PDCD6IP: variants seen among roughly 807,000 people sequenced by gnomAD.
PDCD6IP encodes the protein programmed cell death 6-interacting protein.
PDCD6IP carries 43 observed loss-of-function variants against 103.7 expected under a neutral mutation model. That is an observed-to-expected ratio of 0.41 (90% CI 0.32 to 0.53). The LOEUF is 0.53. PDCD6IP is among the 20% of genes least tolerant of loss of function. The pLI is 0.16. For synonymous variants in PDCD6IP, 354 were observed against 378.7 expected, an observed-to-expected ratio of 0.93 and a Z score of 0.76; for missense variants, 871 against 1,036.7, an observed-to-expected ratio of 0.84 and a Z score of 2.20.
chr3:33,862,531 G>A (rs1402565788), intron 15 of PDCD6IP, among the ~76,000 whole-genome samples: 1 of 152,070 alleles, frequency 6.6e-6, no homozygotes, highest in Non-Finnish European at 1.5e-5. Flanking sequence ...TGTTAGAGGA[G>A]ACAGAATTTT....
chr3:33,854,359 T>G (rs1388455446), intron 14 of PDCD6IP, among the ~76,000 whole-genome samples: 3 of 152,112 alleles, frequency 2.0e-5, no homozygotes, highest in African/African-American at 7.2e-5. Context: ...AAAGCTGATT[T>G]GTGATGGAAA....
rs1697573785 is a variant in PDCD6IP, at chr3:33,845,533, A to G, written c.1586A>G (p.Glu529Gly). Reference sequence around the variant, plus strand: ...GTGCTTTTGTGTAAGCCAGAGCCTGAGCTGAATGCTGCCATCCCTTCTGCT... The same window carrying G: ...GTGCTTTTGTGTAAGCCAGAGCCTGGGCTGAATGCTGCCATCCCTTCTGCT... ...TIVLLCKPEP[E>G]LNAAIPSANP... Residue 529 changes from glutamate (E) to glycine (G), a missense_variant, in exon 12 of 18, where the codon GAG (glutamate) becomes GGG (glycine). Glu to Gly is a moderately conservative substitution (Grantham distance 98). Coordinates refer to ENST00000307296, the MANE Select transcript of PDCD6IP (RefSeq NM_013374.6). 6.2e-7 allele frequency: 1 copy of G among 1,613,430 alleles called. No individual in the cohort carries two copies. The highest frequency in any genetic ancestry group is 8.5e-7 in the Non-Finnish European group (1 of 1,179,572).
rs367901054 is a variant in PDCD6IP, at chr3:33,864,097, A to G, written c.2212A>G (p.Thr738Ala). The G allele has an allele frequency of 1.3e-5, 21 of 1,610,360 alleles. No homozygotes were observed. Among genetic ancestry groups the G allele is most frequent in the African/African-American group, 4.0e-5 (3 of 74,790 alleles). Residue 738 changes from threonine (T) to alanine (A), a missense_variant, in exon 16 of 18, where the codon ACT becomes GCT. Physicochemically the swap from Thr to Ala is moderately conservative, Grantham distance 58. Around this residue, in one of 5 missense-constraint regions of PDCD6IP, gnomAD observed 202 missense variants for 205.2 expected, o/e 0.98. Transcript: ENST00000307296. ...CTCACCAGCAGGAGGACATGCACCA[A>G]CTCCTCCAACTCCAGCGCCAAGAAC... ...QSSPAGGHAP[T>A]PPTPAPRTMP...
chr3:33,804,618 G>C (rs1696550681), intron 1 of PDCD6IP, among the ~76,000 whole-genome samples: 1 of 152,160 alleles, frequency 6.6e-6, no homozygotes. Flanking sequence ...GACTTTTCTG[G>C]TGTTTAGTAA....
chr3:33,818,097 G>GTTTTTTTTTTTTTTTTTTT (rs756780125), intron 3 of PDCD6IP, among the ~76,000 whole-genome samples: 2 of 68,086 alleles, frequency 2.9e-5, no homozygotes, highest in East Asian at 5.2e-4. Flanking sequence ...TTTCATTCTT[G>GTTTTTTTTTTTTTTTTTTT]TTTTTTTTTT....
At chr3:33,811,817 A>AGATG (rs1442310005) in intron 1 of PDCD6IP, among the ~76,000 whole-genome samples, 2 of 152,238 alleles carry the variant, frequency 1.3e-5, no homozygotes, top group African/African-American at 4.8e-5. Context: ...TTTTCAGAGC[A>AGATG]GATGTTAGTT....
chr3:33,811,779 G>A (rs538830218), intron 1 of PDCD6IP, among the ~76,000 whole-genome samples: 1 of 152,304 alleles, frequency 6.6e-6, no homozygotes, highest in East Asian at 1.9e-4. Context: ...ATTTTAGTAA[G>A]AAATAGTATT....
At chr3:33,814,235 A>C (rs1479645155) in intron 3 of PDCD6IP, among the ~76,000 whole-genome samples, 1 of 148,216 alleles carries the variant, frequency 6.7e-6, no homozygotes, top group East Asian at 2.0e-4. Context: ...ACCTCTGCCT[A>C]CTGGGTTCAA....
At chr3:33,840,777 G>A (rs933922054) in intron 9 of PDCD6IP, among the ~76,000 whole-genome samples, 14 of 152,090 alleles carry the variant, frequency 9.2e-5, no homozygotes, top group Non-Finnish European at 1.9e-4. Flanking sequence ...ATTTTCTGTT[G>A]ACATTTTGCC....
rs959340910 is a variant in PDCD6IP at position 33,868,092 on chromosome 3, A to G, written c.*1567A>G. 4.6e-5 allele frequency: 7 copies of G among 152,212 alleles called. No homozygotes were observed. The highest frequency in any genetic ancestry group is 1.4e-4 in the African/African-American group (6 of 41,454). 9.4% of individuals were successfully genotyped at this position (152,212 alleles called of 1,614,324 possible). A position where few individuals can be genotyped will look rare whatever the true frequency, so the allele number is the denominator to read the frequency against. ...AAGTTGGTTTAAAGTCCAATAGTTAAACCTTAGCAAAAATAGCTTTTTACT... is the reference window on the plus strand; with the variant it reads ...AAGTTGGTTTAAAGTCCAATAGTTAGACCTTAGCAAAAATAGCTTTTTACT... On this transcript the variant is annotated 3_prime_UTR_variant, in exon 18 of 18. Coordinates refer to ENST00000307296, the MANE Select transcript of PDCD6IP (RefSeq NM_013374.6).
rs1390224236 is a variant in PDCD6IP, at chr3:33,869,692, G to A, written c.*3167G>A. The stretch of plus-strand genomic sequence containing the variant: ...TGAATGTATGCTAGAAATAAAAGTT[G>A]AAAGATTCTTACTTCTTTGGAGTAT... On this transcript the variant is annotated 3_prime_UTR_variant, in exon 18 of 18. Coordinates refer to ENST00000307296, the MANE Select transcript of PDCD6IP (RefSeq NM_013374.6). 1 of 152,124 alleles carries A rather than the reference G, an allele frequency of 6.6e-6. No individual in the cohort carries two copies. The highest frequency in any genetic ancestry group is 1.5e-5 in the Non-Finnish European group (1 of 68,008). The allele number at this position is 152,124 out of a possible 1,614,324, so 9.4% of individuals were successfully genotyped here. A position where few individuals can be genotyped will look rare whatever the true frequency, so the allele number is the denominator to read the frequency against.
At chr3:33,859,577 T>G (rs1232962774) in intron 15 of PDCD6IP, among the ~76,000 whole-genome samples, 1 of 151,932 alleles carries the variant, frequency 6.6e-6, no homozygotes, top group Non-Finnish European at 1.5e-5. Context: ...CTTAAATAAA[T>G]GAAAAAAAAT....
chr3:33,855,020 G>A lies in PDCD6IP; in HGVS notation c.2026-146G>A. 3 of 469,484 alleles carry A rather than the reference G, an allele frequency of 6.4e-6. No homozygotes were observed. The South Asian group carries it at 1.1e-4, about 18-fold the overall frequency. 29.1% of individuals were successfully genotyped at this position (469,484 alleles called of 1,614,324 possible). Reference sequence around the variant, plus strand: ...AGATCATATTTAATATTAAGTTGTTGGGCCTAGTAAATTGTATAAATGTAT... The same window carrying A: ...AGATCATATTTAATATTAAGTTGTTAGGCCTAGTAAATTGTATAAATGTAT... On this transcript the variant is annotated intron_variant, in intron 14 of 17. Transcript: ENST00000307296.
In PDCD6IP at chr3:33,865,246, A is replaced by G. The variant is rs1213079067; in HGVS notation, c.2248A>G (p.Thr750Ala). Residue 750 changes from threonine (T) to alanine (A), a missense_variant, in exon 17 of 18, where the codon ACT (threonine) becomes GCT (alanine). Physicochemically the swap from Thr to Ala is moderately conservative, Grantham distance 58 (BLOSUM62 0). Transcript: ENST00000307296. ...PTPAPRTMPPTKPQPPARPPP... is the reference protein window; with the variant it reads ...PTPAPRTMPPAKPQPPARPPP... Reference sequence around the variant, plus strand: ...CAATGCTGACTTTTTCTTATAGCCTACTAAGCCCCAGCCCCCAGCCAGGCC... The same window carrying G: ...CAATGCTGACTTTTTCTTATAGCCTGCTAAGCCCCAGCCCCCAGCCAGGCC... 16 of 1,534,276 alleles carry G rather than the reference A, an allele frequency of 1.0e-5. No individual in the cohort carries two copies. The highest frequency in any genetic ancestry group is 5.2e-5 in the East Asian group (2 of 38,812).
At chr3:33,832,898 T>C (rs1697272093) in intron 7 of PDCD6IP, among the ~76,000 whole-genome samples, 1 of 152,194 alleles carries the variant, frequency 6.6e-6, no homozygotes, top group Admixed American at 6.5e-5. Flanking sequence ...AATTTTCTTT[T>C]GTTTAACTAT....
At position 33,868,835 on chromosome 3, in the gene PDCD6IP, A is replaced by G. The variant is rs1698124042; in HGVS notation, c.*2310A>G. 2 of 152,364 alleles carry G rather than the reference A, an allele frequency of 1.3e-5. No individual in the cohort carries two copies. The highest frequency in any genetic ancestry group is 4.1e-4 in the South Asian group (2 of 4,832). 9.4% of individuals were successfully genotyped at this position (152,364 alleles called of 1,614,324 possible). A position where few individuals can be genotyped will look rare whatever the true frequency, so the allele number is the denominator to read the frequency against. ...TTGTACTTAAATAATGAAGCTCTGC[A>G]TAGAGGAACTAGTCAGAAGTGGGGA... On this transcript the variant is annotated 3_prime_UTR_variant, in exon 18 of 18. Coordinates refer to ENST00000307296, the MANE Select transcript of PDCD6IP (RefSeq NM_013374.6).
At chr3:33,836,015 T>C in intron 7 of PDCD6IP, 29 bp from the exon 8 acceptor site, 1 of 1,218,196 alleles carries the variant, frequency 8.2e-7, no homozygotes, top group Non-Finnish European at 1.2e-6. Flanking sequence ...CCTCTTTTTT[T>C]TTTTTGTTGT....
In PDCD6IP at chr3:33,808,777, G is replaced by A. The variant is rs373276913; in HGVS notation, c.210-3295G>A. On this transcript the variant is annotated intron_variant, in intron 1 of 17. Coordinates refer to ENST00000307296, the MANE Select transcript of PDCD6IP (RefSeq NM_013374.6). ...TATTGCTGTTTTGTCCAAACCTTTT[G>A]ATGATTCACACTCTTACACTATATA... 3.3e-5 allele frequency among the ~76,000 whole-genome samples: 5 copies of A among 152,136 alleles called. No homozygotes were observed. In the East Asian group the frequency reaches 9.6e-4, roughly 29 times the overall value.
At chr3:33,858,506 TAAATA>T (rs1484364067) in intron 15 of PDCD6IP, among the ~76,000 whole-genome samples, 1 of 150,262 alleles carries the variant, frequency 6.7e-6, no homozygotes, top group Non-Finnish European at 1.5e-5. Context: ...ATAACAAACA[TAAATA>T]AAGAAATAAA....
Sources: allele counts gnomAD v4.1 joint callset (sites outside exome capture counted in the v4.1 genomes callset), GRCh38; gene constraint gnomAD v4.1.1; regional missense constraint gnomAD v4.1.1; transcripts MANE v1.5; gene names NCBI Gene and HGNC (gene_info 2026-07-23, HGNC 2026-07-21).